NLK: variants seen among roughly 807,000 people sequenced by gnomAD.
The protein encoded by NLK is serine/threonine-protein kinase NLK.
NLK carries 11 observed loss-of-function variants against 59.0 expected under a neutral mutation model. The observed-to-expected ratio is 0.19, with a 90% CI of 0.12 to 0.31. NLK has a LOEUF of 0.31. Ranked by LOEUF, NLK falls within the 10% of genes least tolerant of loss-of-function variation. The probability of loss-of-function intolerance (pLI) is 1.00; values close to 1 mark genes in which losing one functional copy is unlikely to be tolerated. For synonymous variants in NLK, 235 were observed against 235.9 expected, an observed-to-expected ratio of 1.00 and a Z score of 0.03; for missense variants, 410 against 661.1, an observed-to-expected ratio of 0.62 and a Z score of 4.16.
intron 1 of NLK, among the ~76,000 whole-genome samples, chr17:28,101,377 G>GTCC (rs1904896945): frequency 6.6e-6 from 1 of 152,166 alleles, no homozygotes; most frequent in African/African-American, 2.4e-5. Flanking sequence ...CATTTGAACA[G>GTCC]TAAGTCTTTT....
chr17:28,188,915 T>C (rs940652507), intron 8 of NLK, among the ~76,000 whole-genome samples: 1 of 152,048 alleles, frequency 6.6e-6, no homozygotes, highest in African/African-American at 2.4e-5. Context: ...AAATGATGAC[T>C]CAATTACTTG....
intron 1 of NLK, among the ~76,000 whole-genome samples, chr17:28,095,778 A>G (rs950841233): frequency 6.6e-6 from 1 of 152,234 alleles, no homozygotes; most frequent in African/African-American, 2.4e-5. Context: ...TTAAAGTTAC[A>G]TTTAAAATTT....
chr17:28,053,650 A>G lies in NLK; in HGVS notation c.458+10319A>G, dbSNP rs530822972. 1.2e-4 allele frequency among the ~76,000 whole-genome samples: 18 copies of G among 152,278 alleles called. No homozygotes were observed. The East Asian group carries it at 3.5e-3, about 29-fold the overall frequency. ...TTGTTTATCCATTCTTTGACCTAAA[A>G]TTCTTGCTCTGAGCTACAGAAAAAA... On this transcript the variant is annotated intron_variant, in intron 1 of 10. Transcript: ENST00000407008.
chr17:28,201,100 G>A (rs904649151), downstream of NLK, among the ~76,000 whole-genome samples: 4 of 152,046 alleles, frequency 2.6e-5, no homozygotes, highest in African/African-American at 9.7e-5. Flanking sequence ...TGTTTTTTTA[G>A]ACAGGGTCTC....
intron 1 of NLK, among the ~76,000 whole-genome samples, chr17:28,075,511 C>T (rs572156598): frequency 6.6e-6 from 1 of 152,320 alleles, no homozygotes; most frequent in East Asian, 1.9e-4. Flanking sequence ...GTTTGTGCCT[C>T]AGGTTCATCT....
chr17:28,203,689 A>G, the NLK span, among the ~76,000 whole-genome samples: 15 of 152,128 alleles, frequency 9.9e-5, no homozygotes, highest in South Asian at 2.1e-4. Flanking sequence ...GGCGCCTGCC[A>G]CCACGCCTGG....
At chr17:28,078,215 ATC>A (rs1215033310) in intron 1 of NLK, among the ~76,000 whole-genome samples, 2 of 152,186 alleles carry the variant, frequency 1.3e-5, no homozygotes, top group African/African-American at 4.8e-5. Context: ...ATCATTGCAT[ATC>A]CAGTAGGAGG....
In NLK at chr17:28,169,721, C is replaced by CTTTTTTTTTTTTTTTT. The variant is rs1193124964; in HGVS notation, c.1047+1067_1047+1082dup. 6.3e-5 allele frequency among the ~76,000 whole-genome samples: 7 copies of CTTTTTTTTTTTTTTTT among 111,616 alleles called. 1 individual carries two copies. The highest frequency in any genetic ancestry group is 2.4e-4 in the African/African-American group (7 of 29,246). The allele number at this position is 111,616 out of a possible 152,430, so 73.2% of individuals were successfully genotyped here. On this transcript the variant is annotated intron_variant, in intron 6 of 10. Transcript: ENST00000407008. ...TCCTTTTTTTTTGCTGCTTCTTCTTCTTTTTTTTTTTTTTTTTTGGCCCCT... is the reference window on the plus strand; with the variant it reads ...TCCTTTTTTTTTGCTGCTTCTTCTTCTTTTTTTTTTTTTTTTTTTTTTTTTTTTTTTTTTGGCCCCT...
intron 3 of NLK, among the ~76,000 whole-genome samples, chr17:28,142,384 T>C (rs1907040545): frequency 6.6e-6 from 1 of 152,224 alleles, no homozygotes; most frequent in Non-Finnish European, 1.5e-5. Flanking sequence ...TTTTATTCCA[T>C]TGATTTCTAT....
downstream of NLK, among the ~76,000 whole-genome samples, chr17:28,198,867 A>T (rs947960262): frequency 6.6e-6 from 1 of 152,224 alleles, no homozygotes; most frequent in Non-Finnish European, 1.5e-5. Flanking sequence ...CAATCCTGAG[A>T]GAAAACCCCT....
intron 1 of NLK, among the ~76,000 whole-genome samples, chr17:28,063,043 C>T (rs995117405): frequency 1.3e-5 from 2 of 152,084 alleles, no homozygotes; most frequent in African/African-American, 4.8e-5. Flanking sequence ...GTGATCTTCC[C>T]ATCTCAGCCT....
the NLK span, among the ~76,000 whole-genome samples, chr17:28,204,373 A>G: frequency 4.6e-5 from 7 of 152,194 alleles, no homozygotes; most frequent in Admixed American, 6.5e-5. Context: ...TGCATGGTGT[A>G]TGATGGAAGA....
At chr17:28,177,498 C>A (rs1908730699) in intron 7 of NLK, among the ~76,000 whole-genome samples, 1 of 152,068 alleles carries the variant, frequency 6.6e-6, no homozygotes. Context: ...GACTTCAGGC[C>A]CTGTTGGAAT....
intron 1 of NLK, among the ~76,000 whole-genome samples, chr17:28,057,241 C>T (rs1909475263): frequency 6.6e-6 from 1 of 152,142 alleles, no homozygotes; most frequent in African/African-American, 2.4e-5. Context: ...AGGCGTGAGC[C>T]ACCACGCCCA....
chr17:28,114,528 G>A (rs1188955368), intron 1 of NLK, among the ~76,000 whole-genome samples: 1 of 152,186 alleles, frequency 6.6e-6, no homozygotes, highest in Non-Finnish European at 1.5e-5. Flanking sequence ...CCCTCTTAAT[G>A]TAGATATGAA....
At chr17:28,190,925 T>G in intron 8 of NLK, 96 bp from the exon 9 acceptor site, 1 of 811,682 alleles carries the variant, frequency 1.2e-6, no homozygotes, top group Non-Finnish European at 2.0e-6. Context: ...ATTATATATA[T>G]GCTATGTCAA....
chr17:28,065,775 C>T (rs1224537963), intron 1 of NLK, among the ~76,000 whole-genome samples: 1 of 152,140 alleles, frequency 6.6e-6, no homozygotes, highest in Non-Finnish European at 1.5e-5. Context: ...TATTTAGAAA[C>T]TTTCATGGCA....
chr17:28,151,712 C>G (rs1907487257), intron 3 of NLK, among the ~76,000 whole-genome samples: 1 of 152,122 alleles, frequency 6.6e-6, no homozygotes, highest in Non-Finnish European at 1.5e-5. Flanking sequence ...TTTTTTAACC[C>G]AACCTGTCAT....
In NLK at chr17:28,078,785, A is replaced by G. The variant is rs886330698; in HGVS notation, c.458+35454A>G. Among the ~76,000 whole-genome samples the G allele has an allele frequency of 6.6e-5, 10 of 152,212 alleles. No homozygotes were observed. In the South Asian group the frequency reaches 2.1e-3, roughly 32 times the overall value. On this transcript the variant is annotated intron_variant, in intron 1 of 10. Transcript: ENST00000407008. ...ATGGTTTATAGCACCCATTCTCTCAATTGTGAATAAAGTTCATCTGTAGTC... is the reference window on the plus strand; with the variant it reads ...ATGGTTTATAGCACCCATTCTCTCAGTTGTGAATAAAGTTCATCTGTAGTC...
Sources: allele counts gnomAD v4.1 joint callset (sites outside exome capture counted in the v4.1 genomes callset), GRCh38; gene constraint gnomAD v4.1.1; transcripts MANE v1.5; gene names NCBI Gene and HGNC (gene_info 2026-07-23, HGNC 2026-07-21).